Variants in GABBR2 observed in about 807,000 individuals in gnomAD.
GABBR2 encodes G-protein coupled receptor 51.
A neutral mutation model predicts 105.6 loss-of-function variants in GABBR2; 23 were observed. The observed-to-expected ratio is 0.22, with a 90% CI of 0.16 to 0.31. GABBR2 has a LOEUF of 0.31. Among genes scored for constraint, GABBR2 ranks in the 10% least tolerant of loss-of-function variants. GABBR2 has a pLI of 1.00. For missense variants in GABBR2, 734 were observed against 1,245.5 expected (o/e 0.59, Z 6.18); for synonymous variants, 478 against 499.7 (o/e 0.96, Z 0.58).
intron 4 of GABBR2, 81 bp from the exon 5 acceptor site, chr9:98,481,078 T>C: frequency 1.1e-6 from 1 of 910,012 alleles, no homozygotes; most frequent in Non-Finnish European, 1.9e-6. Context: ...CAGACAACAT[T>C]CCTTCACCTC....
intron 13 of GABBR2, among the ~76,000 whole-genome samples, chr9:98,343,274 C>T (rs1000831430): frequency 6.6e-6 from 1 of 152,064 alleles, no homozygotes; most frequent in Admixed American, 6.6e-5. Flanking sequence ...CTGTGGGGAC[C>T]AGGATGAGAG....
chr9:98,403,187 G>A (rs927835471), intron 8 of GABBR2, among the ~76,000 whole-genome samples: 5 of 151,750 alleles, frequency 3.3e-5, no homozygotes, highest in Admixed American at 6.6e-5. Flanking sequence ...CCAGCTACTC[G>A]GGAGGCTGAG....
chr9:98,656,010 C>T (rs952248713), intron 1 of GABBR2, among the ~76,000 whole-genome samples: 1 of 152,134 alleles, frequency 6.6e-6, no homozygotes, highest in Non-Finnish European at 1.5e-5. Context: ...GGACTTTACC[C>T]TAGCTAACGC....
chr9:98,325,225 T>C (rs1276818437), intron 13 of GABBR2, among the ~76,000 whole-genome samples: 1 of 152,040 alleles, frequency 6.6e-6, no homozygotes, highest in African/African-American at 2.4e-5. Flanking sequence ...CAGGGACTTT[T>C]TCCACTGTCC....
intron 6 of GABBR2, among the ~76,000 whole-genome samples, chr9:98,472,594 A>T (rs1826708135): frequency 6.6e-6 from 1 of 152,242 alleles, no homozygotes; most frequent in Non-Finnish European, 1.5e-5. Flanking sequence ...ACATCCTAAG[A>T]TCACAACAGT....
intron 6 of GABBR2, among the ~76,000 whole-genome samples, chr9:98,467,195 G>T (rs909840285): frequency 7.2e-5 from 11 of 152,188 alleles, no homozygotes; most frequent in African/African-American, 2.7e-4. Flanking sequence ...AAAAACCAGA[G>T]TTGCGTTATG....
chr9:98,484,916 C>A (rs1827010821), intron 4 of GABBR2, among the ~76,000 whole-genome samples: 1 of 152,206 alleles, frequency 6.6e-6, no homozygotes, highest in Non-Finnish European at 1.5e-5. Context: ...TGCTTTCAGA[C>A]AAGCCCCCTG....
chr9:98,395,692 G>A (rs1832275314), intron 8 of GABBR2, among the ~76,000 whole-genome samples: 1 of 152,168 alleles, frequency 6.6e-6, no homozygotes, highest in Admixed American at 6.5e-5. Flanking sequence ...CAGAGAGGCT[G>A]GGAGAAGACC....
chr9:98,429,302 G>C (rs1353822806), intron 7 of GABBR2, among the ~76,000 whole-genome samples: 1 of 151,966 alleles, frequency 6.6e-6, no homozygotes, highest in Non-Finnish European at 1.5e-5. Context: ...ACCATGCCCA[G>C]CCAATTGTTG....
At chr9:98,435,782 C>G (rs923185266) in intron 7 of GABBR2, among the ~76,000 whole-genome samples, 12 of 152,148 alleles carry the variant, frequency 7.9e-5, no homozygotes, top group Non-Finnish European at 1.6e-4. Flanking sequence ...CCTATTTGTT[C>G]TTCAATCTCA....
chr9:98,388,678 C>T lies in GABBR2; in HGVS notation c.1529+176G>A, dbSNP rs983700694. On this transcript the variant is annotated intron_variant, in intron 10 of 18. Coordinates refer to ENST00000259455, the MANE Select transcript of GABBR2 (RefSeq NM_005458.8). This position sits in a 1 kb window ranked among gnomAD's most constrained non-coding sequence, Gnocchi z 4.4. ...GTGTGTGTGCGTGCACGCACACACA[C>T]GTACTCACATGCATGTAACACCTAC... Among the ~76,000 whole-genome samples, 4 of 151,358 alleles carry T rather than the reference C, an allele frequency of 2.6e-5. No individual in the cohort carries two copies. Among genetic ancestry groups the T allele is most frequent in the African/African-American group, 4.9e-5 (2 of 40,980 alleles).
intron 1 of GABBR2, among the ~76,000 whole-genome samples, chr9:98,669,959 A>G (rs1213777384): frequency 6.6e-6 from 1 of 150,730 alleles, no homozygotes; most frequent in Non-Finnish European, 1.5e-5. Context: ...AGGAGAACGA[A>G]GCAAGCGACC....
chr9:98,521,732 G>GGTGA (rs1256399305), intron 3 of GABBR2, among the ~76,000 whole-genome samples: 1 of 152,120 alleles, frequency 6.6e-6, no homozygotes, highest in Non-Finnish European at 1.5e-5. Flanking sequence ...CAGTCTTCCA[G>GGTGA]ATGAATATCC....
chr9:98,363,758 T>C (rs1015002640), intron 12 of GABBR2, among the ~76,000 whole-genome samples: 3 of 152,196 alleles, frequency 2.0e-5, no homozygotes, highest in Admixed American at 6.5e-5. Flanking sequence ...CATTCCTCTT[T>C]GCAGCCTGGG....
At chr9:98,435,117 A>G (rs901619104) in intron 7 of GABBR2, among the ~76,000 whole-genome samples, 1 of 152,134 alleles carries the variant, frequency 6.6e-6, no homozygotes, top group Non-Finnish European at 1.5e-5. Context: ...CATTTGCCAA[A>G]CATCCTTCTG....
chr9:98,439,180 A>C (rs1588162064), intron 7 of GABBR2, among the ~76,000 whole-genome samples: 1 of 152,142 alleles, frequency 6.6e-6, no homozygotes, highest in African/African-American at 2.4e-5. Context: ...TCAAATAAAC[A>C]TGCAACATTA....
intron 12 of GABBR2, among the ~76,000 whole-genome samples, chr9:98,366,293 A>G (rs955618599): frequency 1.3e-5 from 2 of 152,142 alleles, no homozygotes; most frequent in Admixed American, 1.3e-4. Flanking sequence ...CCCACCATCT[A>G]TTTTTGCAAA....
Position 98,565,956 on chromosome 9 carries a change from G to A in GABBR2, c.459+11979C>T, listed in dbSNP as rs1046893415. Among the ~76,000 whole-genome samples, 23 of 152,326 alleles carry A rather than the reference G, an allele frequency of 1.5e-4. No homozygotes were observed. In the East Asian group the frequency reaches 3.5e-3, roughly 23 times the overall value. ...CAGTGCCATGCCACCACATGCACCC[G>A]TGTGTCTGTCCGCAGAGCACCTGCC... On this transcript the variant is annotated intron_variant, in intron 2 of 18. Coordinates refer to ENST00000259455, the MANE Select transcript of GABBR2 (RefSeq NM_005458.8).
At chr9:98,294,030 C>A (rs1462924924) in intron 17 of GABBR2, 128 bp from the exon 18 acceptor site, 6 of 703,934 alleles carry the variant, frequency 8.5e-6, no homozygotes, top group Non-Finnish European at 1.5e-5. Flanking sequence ...CCTCTGTGTT[C>A]TCTAAGCTGA....
Sources: gnomAD v4.1 joint callset for allele counts (sites outside exome capture counted in the v4.1 genomes callset) on GRCh38, gnomAD v4.1.1 for gene constraint, Gnocchi (gnomAD v3.1) non-coding constraint, MANE v1.5 for transcripts, NCBI Gene and HGNC (gene_info 2026-07-23, HGNC 2026-07-21) for gene names.